PHTF2: variants seen among roughly 807,000 people sequenced by gnomAD.
PHTF2 encodes putative homeodomain transcription factor 2, also known as protein PHTF2.
PHTF2 carries 60 observed loss-of-function variants against 101.2 expected under a neutral mutation model. The ratio of observed to expected loss-of-function variants is 0.59; its 90% CI spans 0.48 to 0.73. The LOEUF is 0.73. PHTF2 is among the 30% of genes least tolerant of loss of function. PHTF2 has a pLI of 0.00. For missense variants in PHTF2, 747 were observed against 908.7 expected (o/e 0.82, Z 2.29); for synonymous variants, 311 against 307.3 (o/e 1.01, Z -0.13).
intron 1 of PHTF2, among the ~76,000 whole-genome samples, chr7:77,828,667 G>A (rs1315642047): frequency 2.0e-5 from 3 of 152,016 alleles, no homozygotes; most frequent in African/African-American, 4.8e-5. Flanking sequence ...AATTTATATA[G>A]GAAAAAGATA....
rs376712552 is a variant in PHTF2 at position 77,951,193 on chromosome 7, C to G, written c.2116-424C>G. On this transcript the variant is annotated intron_variant, in intron 17 of 19. Coordinates refer to ENST00000416283, the Ensembl canonical transcript of PHTF2. ...ATTGTGACTGCCTATAATCCCAACA[C>G]TTTGGGAGGCTGAGATGAGAGGATC... Among the ~76,000 whole-genome samples, 80 of 152,258 alleles carry G rather than the reference C, an allele frequency of 5.3e-4. 2 individuals are homozygous for G. The South Asian group carries it at 0.014, about 27-fold the overall frequency.
At chr7:77,806,295 A>T (rs1255808938) in intron 1 of PHTF2, among the ~76,000 whole-genome samples, 1 of 151,900 alleles carries the variant, frequency 6.6e-6, no homozygotes, top group Non-Finnish European at 1.5e-5. Context: ...GGACTTGCTG[A>T]TTTCTCCTTG....
chr7:77,838,176 C>T (rs1795613702), intron 1 of PHTF2, among the ~76,000 whole-genome samples: 1 of 152,116 alleles, frequency 6.6e-6, no homozygotes, highest in Admixed American at 6.5e-5. Flanking sequence ...GGGCAAACCT[C>T]TGGGATACAA....
chr7:77,873,080 C>T (rs1241005010), intron 3 of PHTF2, among the ~76,000 whole-genome samples: 1 of 152,146 alleles, frequency 6.6e-6, no homozygotes, highest in Non-Finnish European at 1.5e-5. Flanking sequence ...AGGCATGTGC[C>T]ACTATGCCTG....
At chr7:77,886,115 T>C (rs2150768358) in intron 3 of PHTF2, among the ~76,000 whole-genome samples, 1 of 152,290 alleles carries the variant, frequency 6.6e-6, no homozygotes, top group Middle Eastern at 3.4e-3. Flanking sequence ...ATCTAAGCAC[T>C]CAGTCTAATT....
chr7:77,940,159 G>A, exon 14 of PHTF2: 3 of 1,613,782 alleles, frequency 1.9e-6, no homozygotes, highest in South Asian at 1.1e-5. Flanking sequence ...AGCACATTCT[G>A]CTTCAGAACT....
intron 2 of PHTF2, among the ~76,000 whole-genome samples, chr7:77,850,336 G>A (rs1422539644): frequency 1.1e-5 from 1 of 94,414 alleles, no homozygotes; most frequent in African/African-American, 4.0e-5. Flanking sequence ...ACTCTAGCCT[G>A]AAAGACAAAG....
intron 2 of PHTF2, chr7:77,854,633 C>T (rs1475511127): frequency 4.7e-6 from 3 of 644,098 alleles, no homozygotes; most frequent in Middle Eastern, 4.9e-4. Context: ...AGTCAGGAAT[C>T]TTAGAAATCT....
At chr7:77,900,961 C>T (rs1179262388) in intron 6 of PHTF2, among the ~76,000 whole-genome samples, 181 bp downstream of exon 5, 1 of 152,168 alleles carries the variant, frequency 6.6e-6, no homozygotes, top group African/African-American at 2.4e-5. Flanking sequence ...GTACAGAAAT[C>T]ACAGCACCAG....
rs711309 is a variant in PHTF2, at chr7:77,910,427, G to A, written c.776+18G>A. The A allele has an allele frequency of 0.49, 784,177 of 1,590,360 alleles. 199,601 individuals carry two copies. The highest frequency in any genetic ancestry group is 0.68 in the East Asian group (30,445 of 44,646). On this transcript the variant is annotated intron_variant, in intron 9 of 19. Transcript: ENST00000416283. The stretch of plus-strand genomic sequence containing the variant: ...TTATCAGGGTTTGTATTTATTTAAG[G>A]TTTTATATGGCATAGAGATGGCACT...
At chr7:77,873,858 A>G (rs552949702) in intron 3 of PHTF2, among the ~76,000 whole-genome samples, 1 of 152,192 alleles carries the variant, frequency 6.6e-6, no homozygotes, top group African/African-American at 2.4e-5. Flanking sequence ...TGTACCTTTC[A>G]GTGAAGGTCA....
chr7:77,905,851 G>A (rs1801806742), intron 7 of PHTF2, among the ~76,000 whole-genome samples: 1 of 152,134 alleles, frequency 6.6e-6, no homozygotes, highest in South Asian at 2.1e-4. Context: ...TGAAATATTT[G>A]TGCCCAACAA....
chr7:77,831,253 A>G (rs903024778), intron 1 of PHTF2, among the ~76,000 whole-genome samples: 1 of 152,244 alleles, frequency 6.6e-6, no homozygotes, highest in Non-Finnish European at 1.5e-5. Flanking sequence ...AACATGAAGA[A>G]CAGAAGCAAT....
intron 16 of PHTF2, among the ~76,000 whole-genome samples, chr7:77,943,628 G>A (rs1035318666): frequency 1.3e-5 from 2 of 152,002 alleles, no homozygotes; most frequent in African/African-American, 2.4e-5. Context: ...AAGTTTAAAC[G>A]TATTAAAATT....
chr7:77,828,800 G>A (rs1025182842), intron 1 of PHTF2, among the ~76,000 whole-genome samples: 24 of 152,016 alleles, frequency 1.6e-4, no homozygotes, highest in Admixed American at 3.3e-4. Context: ...CCCAGGAGGC[G>A]GCAGTTTCAG....
intron 10 of PHTF2, among the ~76,000 whole-genome samples, chr7:77,922,319 G>A (rs977992066): frequency 6.6e-6 from 1 of 152,024 alleles, no homozygotes; most frequent in Admixed American, 6.6e-5. Context: ...GAGCCACTGT[G>A]CCTGGCATAT....
chr7:77,920,179 ATAG>A (rs1173146005), intron 9 of PHTF2, 97 bp from the exon 9 acceptor site: 1 of 620,600 alleles, frequency 1.6e-6, no homozygotes, highest in Non-Finnish European at 2.8e-6. Context: ...ATTTAGAGAA[ATAG>A]CTATCTGATG....
At chr7:77,910,339 G>A (rs377640959) in exon 9 of PHTF2, 20 of 1,613,696 alleles carry the variant, frequency 1.2e-5, no homozygotes, top group Non-Finnish European at 1.6e-5. Context: ...TCAGAACCAC[G>A]GTACAAGCAC....
intron 16 of PHTF2, 106 bp downstream of exon 15, chr7:77,942,892 G>A (rs1262476436): frequency 1.7e-6 from 1 of 588,534 alleles, no homozygotes; most frequent in East Asian, 3.1e-5. Context: ...TAGAAAGTAA[G>A]TTTTGAAGTT....
Sources: gnomAD v4.1 joint callset for allele counts (sites outside exome capture counted in the v4.1 genomes callset) on GRCh38, gnomAD v4.1.1 for gene constraint, MANE v1.5 for transcripts, NCBI Gene and HGNC (gene_info 2026-07-23, HGNC 2026-07-21) for gene names.